UNC93B1: variants seen among roughly 807,000 people sequenced by gnomAD.
UNC93B1 encodes the protein protein unc-93 homolog B1.
In UNC93B1, 33 loss-of-function variants were observed where a neutral mutation model predicts 56.8. The ratio of observed to expected loss-of-function variants is 0.58; its 90% confidence interval spans 0.44 to 0.78. The LOEUF is 0.78. Ranked by LOEUF, UNC93B1 falls within the 30% of genes least tolerant of loss-of-function variation. The pLI, the probability that UNC93B1 is intolerant of heterozygous loss-of-function variation, is 0.00. For missense variants in UNC93B1, 673 were observed against 819.5 expected (o/e 0.82, Z 2.18); for synonymous variants, 334 against 358.6 (o/e 0.93, Z 0.77).
At position 68,001,609 on chromosome 11, in the gene UNC93B1, C is replaced by G. The variant is rs1456557902; in HGVS notation, c.392+1413G>C. Among the ~76,000 whole-genome samples the G allele has an allele frequency of 4.0e-5, 6 of 151,560 alleles. No individual in the cohort carries two copies. In the South Asian group the frequency reaches 1.2e-3, roughly 32 times the overall value. On this transcript the variant is annotated intron_variant, in intron 3 of 10. Coordinates refer to ENST00000227471, the MANE Select transcript of UNC93B1 (RefSeq NM_030930.4). ...GGTTGAGGAGGCAGTGAGCTGTGTT[C>G]GTGCCACTGCACTCTAACCTGGGTG... is the stretch of plus-strand genomic sequence containing the variant.
chr11:68,002,300 G>A (rs1048408720), intron 3 of UNC93B1, among the ~76,000 whole-genome samples: 2 of 152,098 alleles, frequency 1.3e-5, no homozygotes, highest in Non-Finnish European at 2.9e-5. Flanking sequence ...ATGGGTAGCC[G>A]ATTTCCTGGA....
chr11:68,002,983 G>T, intron 3 of UNC93B1, 39 bp downstream of exon 3: 1 of 1,571,382 alleles, frequency 6.4e-7, no homozygotes. Context: ...CCTCCGAAAT[G>T]GGAGTACCGC....
At position 67,999,300 on chromosome 11, in the gene UNC93B1, G is replaced by T. The variant is rs754100504; in HGVS notation, c.560C>A (p.Ala187Glu). 1.2e-6 allele frequency: 2 copies of T among 1,612,158 alleles called. No individual in the cohort carries two copies. Among genetic ancestry groups the T allele is most frequent in the Non-Finnish European group, 8.5e-7 (1 of 1,179,322 alleles). Residue 187 changes from alanine (A) to glutamate (E), a missense_variant, in exon 5 of 11, where the codon GCG becomes GAG. Around this residue, in one of 3 missense-constraint regions of UNC93B1, gnomAD observed 438 missense variants for 465.9 expected, o/e 0.94. Coordinates refer to ENST00000227471, the MANE Select transcript of UNC93B1 (RefSeq NM_030930.4). ...GTGGGAGTACTCATGGTACTTCTGC[G>T]CCATCCTGGACCACAAAGGAGAGAA... is the stretch of plus-strand genomic sequence containing the variant. ...ASMGNYITRM[A>E]QKYHEYSHYK...
rs1181518950 is a variant in UNC93B1, at chr11:68,003,182, A to G, written c.239-7T>C. On this transcript the variant is annotated splice_polypyrimidine_tract_variant and splice_region_variant and intron_variant, in intron 2 of 10. Transcript: ENST00000227471. This position sits in a 1 kb window ranked among gnomAD's most constrained non-coding sequence, Gnocchi z 4.4. ...AGCTGCATCTGCAGGAGGCCTGGGG[A>G]CAGGACAGAGAGCGGCGTGCAGGGA... 2 of 1,609,162 alleles carry G rather than the reference A, an allele frequency of 1.2e-6. No individual in the cohort carries two copies. Among genetic ancestry groups the G allele is most frequent in the Non-Finnish European group, 1.7e-6 (2 of 1,179,264 alleles).
Position 67,998,422 on chromosome 11 carries a change from T to A in UNC93B1, c.718A>T (p.Ile240Phe). 1 of 1,613,812 alleles carries A rather than the reference T, an allele frequency of 6.2e-7. No individual in the cohort carries two copies. The highest frequency in any genetic ancestry group is 8.5e-7 in the Non-Finnish European group (1 of 1,179,834). Residue 240 changes from isoleucine (I) to phenylalanine (F), a missense_variant, in exon 6 of 11, where the codon ATT becomes TTT. Transcript: ENST00000227471. ...TACAGGTAGTGGTTCAGGAAATAAA[T>A]CATGGGCAGCTGGGCGCAGGCGAAG... Reference protein sequence around the residue: ...LSFACAQLPMIYFLNHYLYDL... With the variant: ...LSFACAQLPMFYFLNHYLYDL...
chr11:67,993,075 C>T lies in UNC93B1; in HGVS notation c.1482+601G>A, dbSNP rs188334086. 4.9e-3 allele frequency among the ~76,000 whole-genome samples: 752 copies of T among 152,110 alleles called. 9 individuals are homozygous for T. Among genetic ancestry groups the T allele is most frequent in the African/African-American group, 0.017 (691 of 41,490 alleles). On this transcript the variant is annotated intron_variant, in intron 10 of 10. Transcript: ENST00000227471. The stretch of plus-strand genomic sequence containing the variant: ...CCCCGTCTCGGCTAACTGCAACCTC[C>T]GCCTCCCAGTTCAAGTGATTCTCCT...
rs558019750 is a variant in UNC93B1 at position 68,003,817 on chromosome 11, G to T, written c.97-19C>A. ...CGTCCAGCTGCGAGCCACGCACGCC[G>T]CTCGCACCCGCGATCGCGCCCCGAA... is the stretch of plus-strand genomic sequence containing the variant. On this transcript the variant is annotated intron_variant, in intron 1 of 10. Transcript: ENST00000227471. This position sits in a 1 kb window ranked among gnomAD's most constrained non-coding sequence, Gnocchi z 4.4. The T allele has an allele frequency of 6.9e-7, 1 of 1,457,050 alleles. No individual in the cohort carries two copies. Among genetic ancestry groups the T allele is most frequent in the Non-Finnish European group, 9.0e-7 (1 of 1,107,906 alleles). The allele number at this position is 1,457,050 out of a possible 1,614,324, so 90.3% of individuals were successfully genotyped here.
intron 3 of UNC93B1, among the ~76,000 whole-genome samples, chr11:68,001,180 G>GTGAGAC (rs916783420): frequency 2.0e-5 from 3 of 152,110 alleles, no homozygotes; most frequent in South Asian, 2.1e-4. Flanking sequence ...TGGTGATAGA[G>GTGAGAC]TGAGACTCCA....
Position 67,999,640 on chromosome 11 carries a change from T to C in UNC93B1, c.433A>G (p.Ile145Val). 1 of 1,611,830 alleles carries C rather than the reference T, an allele frequency of 6.2e-7. No homozygotes were observed. Among genetic ancestry groups the C allele is most frequent in the Non-Finnish European group, 8.5e-7 (1 of 1,179,092 alleles). Residue 145 changes from isoleucine (I) to valine (V), a missense_variant, in exon 4 of 11, where the codon ATC becomes GTC. Transcript: ENST00000227471. ...TKWMMFLAVG[I>V]YALFVSTNYW... ...TTGGTGGAGACAAAGAGGGCGTAGA[T>C]GCCCACAGCGAGGAACATCATCCAC...
Position 68,003,084 on chromosome 11 carries a change from T to G in UNC93B1, c.330A>C (p.Lys110Asn). ...GNMGLPDIDS[K>N]MLMGINVTPI... ...GAGTCACGTTGATGCCCATCAGCAT[T>G]TTGCTGTCGATGTCGGGCAGCCCCA... The change falls in exon 3 of 11, where the codon AAA becomes AAC. Residue 110 changes from lysine to asparagine, a missense_variant. By Grantham distance (94) the Lys-to-Asn change is moderately conservative. Around this residue, in one of 3 missense-constraint regions of UNC93B1, gnomAD observed 438 missense variants for 465.9 expected, o/e 0.94. Transcript: ENST00000227471. This position sits in a 1 kb window ranked among gnomAD's most constrained non-coding sequence, Gnocchi z 4.4. 6.2e-7 allele frequency: 1 copy of G among 1,613,296 alleles called. No individual in the cohort carries two copies. Among genetic ancestry groups the G allele is most frequent in the Non-Finnish European group, 8.5e-7 (1 of 1,179,730 alleles).
Position 68,003,588 on chromosome 11 carries a change from C to G in UNC93B1, c.238+69G>C. On this transcript the variant is annotated intron_variant, in intron 2 of 10. Coordinates refer to ENST00000227471, the MANE Select transcript of UNC93B1 (RefSeq NM_030930.4). This position sits in a 1 kb window ranked among gnomAD's most constrained non-coding sequence, Gnocchi z 4.4. The stretch of plus-strand genomic sequence containing the variant: ...TGAGAGCGGGCGGGAGGCGGCGGCC[C>G]GCGGTTTCTGTTTCCCGGGCCGGGC... The G allele has an allele frequency of 6.8e-7, 1 of 1,475,000 alleles. No homozygotes were observed. Among genetic ancestry groups the G allele is most frequent in the Non-Finnish European group, 9.0e-7 (1 of 1,116,190 alleles). 91.4% of individuals were successfully genotyped at this position (1,475,000 alleles called of 1,614,324 possible). A position where few individuals can be genotyped will look rare whatever the true frequency, so the allele number is the denominator to read the frequency against.
intron 8 of UNC93B1, 30 bp downstream of exon 8, chr11:67,996,572 G>T (rs1319619581): frequency 6.0e-6 from 9 of 1,488,614 alleles, no homozygotes; most frequent in Non-Finnish European, 8.1e-6. Flanking sequence ...CTTGTCTTTT[G>T]TCGGGCAATC....
intron 5 of UNC93B1, among the ~76,000 whole-genome samples, chr11:67,998,895 C>T (rs1437845466): frequency 1.4e-4 from 21 of 151,820 alleles, no homozygotes; most frequent in Admixed American, 1.4e-3. Context: ...AGACCCTGCC[C>T]CCAACCCCCA....
At position 68,003,873 on chromosome 11, in the gene UNC93B1, G is replaced by A; in HGVS notation, c.96+75C>T. 1 of 1,281,190 alleles carries A rather than the reference G, an allele frequency of 7.8e-7. No individual in the cohort carries two copies. Among genetic ancestry groups the A allele is most frequent in the Non-Finnish European group, 9.8e-7 (1 of 1,020,240 alleles). 79.4% of individuals were successfully genotyped at this position (1,281,190 alleles called of 1,614,324 possible). A position where few individuals can be genotyped will look rare whatever the true frequency, so the allele number is the denominator to read the frequency against. On this transcript the variant is annotated intron_variant, in intron 1 of 10. Coordinates refer to ENST00000227471, the MANE Select transcript of UNC93B1 (RefSeq NM_030930.4). The surrounding 1 kb of genome is among the most constrained non-coding windows in gnomAD (Gnocchi z 4.4). ...GTCCCCCGGTGCCCGCCGCCCCCCGGCCCGCCCCGCCCCCGCCGGGGGGAC... is the reference window on the plus strand; with the variant it reads ...GTCCCCCGGTGCCCGCCGCCCCCCGACCCGCCCCGCCCCCGCCGGGGGGAC...
In UNC93B1 at chr11:67,997,561, G is replaced by A; in HGVS notation, c.906+114C>T. 3.9e-6 allele frequency: 6 copies of A among 1,540,110 alleles called. No homozygotes were observed. The South Asian group carries it at 6.0e-5, about 15-fold the overall frequency. ...CGCTCCCAGGCCTACGGCCTGCCCC[G>A]AGGCCACAACCCGACCCAGGCCATG... On this transcript the variant is annotated intron_variant, in intron 7 of 10. Transcript: ENST00000227471.
rs543443741 is a variant in UNC93B1, at chr11:67,991,746, G to T, written c.1594C>A (p.Pro532Thr). ...CGGTAACCGCGCACCTTGTGCTGGG[G>T]CCGCGGGATGCGGGGCTGGCGCGGG... ...VAPRQPRIPR[P>T]QHKVRGYRYL... Residue 532 changes from proline (P) to threonine (T), a missense_variant, in exon 11 of 11, where the codon CCC becomes ACC. Coordinates refer to ENST00000227471, the MANE Select transcript of UNC93B1 (RefSeq NM_030930.4). 1.1e-4 allele frequency: 171 copies of T among 1,538,928 alleles called. No individual in the cohort carries two copies. The highest frequency in any genetic ancestry group is 6.6e-4 in the South Asian group (56 of 84,404).
rs1036591029 is a variant in UNC93B1 at position 67,995,909 on chromosome 11, T to C, written c.1090-25A>G. The C allele has an allele frequency of 6.8e-6, 10 of 1,469,880 alleles. No homozygotes were observed. In the African/African-American group the frequency reaches 1.1e-4, roughly 17 times the overall value. 91.1% of individuals were successfully genotyped at this position (1,469,880 alleles called of 1,614,324 possible). A position where few individuals can be genotyped will look rare whatever the true frequency, so the allele number is the denominator to read the frequency against. ...CCTGCGGGGGGACAAGGGGTGAGTG[T>C]TGAAGTCTGGAACAGCCCAGACCAC... On this transcript the variant is annotated intron_variant, in intron 8 of 10. Transcript: ENST00000227471.
chr11:68,002,983 G>C, intron 3 of UNC93B1, 39 bp downstream of exon 3: 1 of 1,571,382 alleles, frequency 6.4e-7, no homozygotes, highest in Non-Finnish European at 8.6e-7. Context: ...CCTCCGAAAT[G>C]GGAGTACCGC....
intron 7 of UNC93B1, 136 bp from the exon 8 acceptor site, chr11:67,996,920 C>T: frequency 4.5e-6 from 5 of 1,109,122 alleles, no homozygotes; most frequent in Non-Finnish European, 6.2e-6. Flanking sequence ...GGGCCCCGCC[C>T]CTGAGACACT....
Sources: gnomAD v4.1 joint callset for allele counts (sites outside exome capture counted in the v4.1 genomes callset) on GRCh38, gnomAD v4.1.1 for gene constraint, gnomAD v4.1.1 regional missense constraint, Gnocchi (gnomAD v3.1) non-coding constraint, MANE v1.5 for transcripts, NCBI Gene and HGNC (gene_info 2026-07-23, HGNC 2026-07-21) for gene names.